Variants in ZPLD1 observed in about 807,000 individuals in gnomAD.
ZPLD1 encodes the protein zona pellucida like domain containing 1.
A neutral mutation model predicts 47.2 loss-of-function variants in ZPLD1; 34 were observed. The ratio of observed to expected loss-of-function variants is 0.72; its 90% CI spans 0.55 to 0.96. The LOEUF (loss-of-function observed/expected upper bound fraction) is 0.96, where lower values mean the gene tolerates loss of function less well. Among genes scored for constraint, ZPLD1 ranks in the 40% least tolerant of loss-of-function variants. The probability of loss-of-function intolerance (pLI) is 0.00; values close to 1 mark genes in which losing one functional copy is unlikely to be tolerated. For synonymous variants in ZPLD1, 176 were observed against 186.2 expected (o/e 0.95, Z 0.45); for missense variants, 512 against 505.8 (o/e 1.01, Z -0.12).
chr3:102,399,483 A>G (rs1327289267), intron 7 of ZPLD1, among the ~76,000 whole-genome samples: 1 of 151,888 alleles, frequency 6.6e-6, no homozygotes, highest in Non-Finnish European at 1.5e-5. Context: ...AGATCATCGT[A>G]TGTATGATTC....
intron 7 of ZPLD1, among the ~76,000 whole-genome samples, chr3:102,416,211 A>G (rs953123170): frequency 2.0e-5 from 3 of 151,926 alleles, no homozygotes; most frequent in African/African-American, 7.2e-5. Flanking sequence ...AATAGTAACA[A>G]ATAATGTCAG....
chr3:102,456,583 A>ATCTATCTG (rs1315348331), intron 5 of ZPLD1, among the ~76,000 whole-genome samples: 3 of 138,322 alleles, frequency 2.2e-5, no homozygotes, highest in Non-Finnish European at 4.9e-5. Context: ...CTATCTATCT[A>ATCTATCTG]TCTATCTATC....
intron 7 of ZPLD1, among the ~76,000 whole-genome samples, chr3:102,398,683 CATTTTT>C (rs1706583960): frequency 6.6e-6 from 1 of 152,128 alleles, no homozygotes; most frequent in Non-Finnish European, 1.5e-5. Flanking sequence ...CTGTGCTGTG[CATTTTT>C]AATATTAACT....
intron 8 of ZPLD1, among the ~76,000 whole-genome samples, chr3:102,421,341 TTG>T (rs897983383): frequency 2.0e-5 from 3 of 151,834 alleles, no homozygotes; most frequent in African/African-American, 7.2e-5. Flanking sequence ...TGGAAATAAT[TTG>T]TGACCAACTT....
At chr3:102,435,302 T>A (rs1707072455) in intron 1 of ZPLD1, 148 bp downstream of exon 1, 6 of 811,722 alleles carry the variant, frequency 7.4e-6, no homozygotes, top group Admixed American at 2.4e-5. Flanking sequence ...ATAAGAGATA[T>A]GGGTGTCCTT....
At chr3:102,439,653 G>A (rs1006872684) in intron 3 of ZPLD1, among the ~76,000 whole-genome samples, 11 of 152,008 alleles carry the variant, frequency 7.2e-5, no homozygotes, top group South Asian at 2.1e-4. Context: ...ATTATCTAGC[G>A]TTATCAATTA....
chr3:102,444,610 A>G (rs1480102192), intron 3 of ZPLD1, among the ~76,000 whole-genome samples: 1 of 152,212 alleles, frequency 6.6e-6, no homozygotes, highest in Non-Finnish European at 1.5e-5. Context: ...CTTGTTTTAG[A>G]GATAAAAGCA....
At chr3:102,464,992 G>A (rs999231773) in intron 8 of ZPLD1, among the ~76,000 whole-genome samples, 4 of 152,252 alleles carry the variant, frequency 2.6e-5, no homozygotes, top group Non-Finnish European at 5.9e-5. Context: ...GAAACCAAAA[G>A]AATACACTTT....
rs1203267364 is a variant in ZPLD1, at chr3:102,461,294, G to A, written c.583-987G>A. Among the ~76,000 whole-genome samples, 3 of 152,080 alleles carry A rather than the reference G, an allele frequency of 2.0e-5. No homozygotes were observed. In the East Asian group the frequency reaches 5.8e-4, roughly 29 times the overall value. ...AAACAATTGGCCTCTGTTAAATGATGTGACTGCTTAAATTTGGAGGGTTTT... is the reference window on the plus strand; with the variant it reads ...AAACAATTGGCCTCTGTTAAATGATATGACTGCTTAAATTTGGAGGGTTTT... On this transcript the variant is annotated intron_variant, in intron 6 of 11. Coordinates refer to ENST00000466937, the MANE Select transcript of ZPLD1 (RefSeq NM_001329788.2).
Position 102,452,895 on chromosome 3 carries a change from G to A in ZPLD1, c.107-24G>A, listed in dbSNP as rs145976130. 47 of 1,607,648 alleles carry A rather than the reference G, an allele frequency of 2.9e-5. No homozygotes were observed. The Middle Eastern group carries it at 5.0e-4, about 17-fold the overall frequency. On this transcript the variant is annotated intron_variant, in intron 3 of 11. Coordinates refer to ENST00000466937, the MANE Select transcript of ZPLD1 (RefSeq NM_001329788.2). ...CTTTCTGCTTTTCTGACTTATGTTT[G>A]TTTTTTATATATTTTTATTTCAGCT...
At chr3:102,466,966 A>C (rs1421413977) in intron 8 of ZPLD1, among the ~76,000 whole-genome samples, 3 of 152,090 alleles carry the variant, frequency 2.0e-5, no homozygotes, top group African/African-American at 7.2e-5. Flanking sequence ...CATTGATATA[A>C]TGAAATGATG....
intron 3 of ZPLD1, among the ~76,000 whole-genome samples, chr3:102,442,445 C>T (rs1707195233): frequency 6.6e-6 from 1 of 151,892 alleles, no homozygotes; most frequent in Non-Finnish European, 1.5e-5. Context: ...CCAAATAACG[C>T]TGAAGTCCCG....
intron 8 of ZPLD1, among the ~76,000 whole-genome samples, chr3:102,464,980 G>A (rs1232367959): frequency 6.6e-6 from 1 of 152,112 alleles, no homozygotes; most frequent in East Asian, 1.9e-4. Flanking sequence ...GTAATATAAT[G>A]GGAAACCAAA....
intron 3 of ZPLD1, among the ~76,000 whole-genome samples, chr3:102,440,731 GAAA>G (rs77649810): frequency 8.0e-5 from 9 of 112,862 alleles, no homozygotes; most frequent in South Asian, 2.8e-4. Context: ...TTGTGATTGG[GAAA>G]AAAAAAAAAA....
chr3:102,385,887 G>A (rs1706419372), intron 6 of ZPLD1, among the ~76,000 whole-genome samples: 1 of 152,212 alleles, frequency 6.6e-6, no homozygotes, highest in African/African-American at 2.4e-5. Flanking sequence ...ATAGCTACAA[G>A]CAAGACACCT....
intron 6 of ZPLD1, among the ~76,000 whole-genome samples, chr3:102,389,542 G>A (rs1706472606): frequency 1.3e-5 from 2 of 151,952 alleles, no homozygotes; most frequent in Admixed American, 6.6e-5. Flanking sequence ...AATCTAAAAG[G>A]CAGTAATTCT....
chr3:102,420,533 A>T (rs1706864122), intron 8 of ZPLD1, among the ~76,000 whole-genome samples: 1 of 151,964 alleles, frequency 6.6e-6, no homozygotes, highest in African/African-American at 2.4e-5. Flanking sequence ...TTAAAATAAC[A>T]TTTCATTTAT....
Position 102,464,106 on chromosome 3 carries a change from G to A in ZPLD1, c.681-65G>A. 8.4e-6 allele frequency: 9 copies of A among 1,068,798 alleles called. No individual in the cohort carries two copies. The South Asian group carries it at 9.1e-5, about 11-fold the overall frequency. The allele number at this position is 1,068,798 out of a possible 1,614,324, so 66.2% of individuals were successfully genotyped here. A position where few individuals can be genotyped will look rare whatever the true frequency, so the allele number is the denominator to read the frequency against. On this transcript the variant is annotated intron_variant, in intron 7 of 11. Coordinates refer to ENST00000466937, the MANE Select transcript of ZPLD1 (RefSeq NM_001329788.2). Reference sequence around the variant, plus strand: ...AAGTTTCTCAATATTTACTTCCCTTGTATTAGTAACTAATATCCAAAAGGA... The same window carrying A: ...AAGTTTCTCAATATTTACTTCCCTTATATTAGTAACTAATATCCAAAAGGA...
chr3:102,399,804 GTT>G (rs1706599003), intron 7 of ZPLD1, among the ~76,000 whole-genome samples: 1 of 151,604 alleles, frequency 6.6e-6, no homozygotes, highest in African/African-American at 2.4e-5. Flanking sequence ...AAGTCAGAGA[GTT>G]TGTTTGTTTG....
Sources: gnomAD v4.1 joint callset for allele counts (sites outside exome capture counted in the v4.1 genomes callset) on GRCh38, gnomAD v4.1.1 for gene constraint, MANE v1.5 for transcripts, NCBI Gene and HGNC (gene_info 2026-07-23, HGNC 2026-07-21) for gene names.